ATG3: variants seen among roughly 807,000 people sequenced by gnomAD.
ATG3 encodes ubiquitin-like-conjugating enzyme ATG3.
ATG3 carries 25 observed loss-of-function variants against 50.7 expected under a neutral mutation model. That is an observed-to-expected ratio of 0.49 (90% CI 0.36 to 0.69). The LOEUF is 0.69. ATG3 is among the 30% of genes least tolerant of loss of function. The probability of loss-of-function intolerance (pLI) is 0.00; values close to 1 mark genes in which losing one functional copy is unlikely to be tolerated. For missense variants in ATG3, 281 were observed against 376.0 expected (o/e 0.75, Z 2.09); for synonymous variants, 119 against 125.5 (o/e 0.95, Z 0.34).
At chr3:112,542,493 ATAAGTG>A (rs1933259270) in intron 6 of ATG3, among the ~76,000 whole-genome samples, 1 of 152,066 alleles carries the variant, frequency 6.6e-6, no homozygotes, top group South Asian at 2.1e-4. Flanking sequence ...AGTCAACATA[ATAAGTG>A]GATAAACTGA....
chr3:112,547,743 T>C (rs1933408121), intron 5 of ATG3, among the ~76,000 whole-genome samples: 1 of 152,254 alleles, frequency 6.6e-6, no homozygotes, highest in African/African-American at 2.4e-5. Flanking sequence ...TGATAGATAC[T>C]GAGAATTCAA....
intron 4 of ATG3, 73 bp downstream of exon 4, chr3:112,550,119 A>G: frequency 1.2e-5 from 14 of 1,128,184 alleles, no homozygotes; most frequent in Non-Finnish European, 1.8e-5. Flanking sequence ...TTTTCAAGCA[A>G]TAGAAAAACC....
At position 112,543,341 on chromosome 3, in the gene ATG3, ATCTC is replaced by A. The variant is rs910221654; in HGVS notation, c.393+712_393+715del. 3.2e-4 allele frequency among the ~76,000 whole-genome samples: 49 copies of A among 152,226 alleles called. 1 individual carries two copies. Among genetic ancestry groups the A allele is most frequent in the African/African-American group, 1.1e-3 (46 of 41,578 alleles). ...AAAAACATGAAGACAACTGCGGTTG[ATCTC>A]TCTGAGAAATGAAAAGCTAATCTAA... is the stretch of plus-strand genomic sequence containing the variant. On this transcript the variant is annotated intron_variant, in intron 6 of 11. Transcript: ENST00000283290.
intron 5 of ATG3, among the ~76,000 whole-genome samples, chr3:112,546,381 A>G (rs564486707): frequency 6.6e-6 from 1 of 152,332 alleles, no homozygotes; most frequent in South Asian, 2.1e-4. Context: ...GCATGCATAC[A>G]CTAGACAATG....
chr3:112,535,548 A>G (rs1224340552), intron 10 of ATG3: 2 of 152,198 alleles, frequency 1.3e-5, no homozygotes, highest in South Asian at 2.1e-4. Flanking sequence ...TTTAGATTAC[A>G]TAATTCAAAA....
chr3:112,555,321 T>C (rs1437265148), intron 2 of ATG3, among the ~76,000 whole-genome samples: 1 of 152,216 alleles, frequency 6.6e-6, no homozygotes, highest in Admixed American at 6.5e-5. Context: ...AAGATTCAAA[T>C]TTCTAAATGA....
intron 5 of ATG3, 89 bp downstream of exon 5, chr3:112,548,444 G>T: frequency 8.8e-7 from 1 of 1,140,746 alleles, no homozygotes; most frequent in Non-Finnish European, 1.3e-6. Flanking sequence ...TATGCCTTAT[G>T]TATCCTCTTT....
chr3:112,547,351 A>G (rs1933397566), intron 5 of ATG3, among the ~76,000 whole-genome samples: 1 of 152,150 alleles, frequency 6.6e-6, no homozygotes, highest in Non-Finnish European at 1.5e-5. Flanking sequence ...CATATTTAGT[A>G]TCATGGACTT....
rs1243320665 is a variant in ATG3, at chr3:112,561,827, G to C, written c.-299C>G. Reference sequence around the variant, plus strand: ...GGGGCCGAAGGGAGACCTGAGGTGAGAAGCGGACGCACACGCACCCCTCGC... The same window carrying C: ...GGGGCCGAAGGGAGACCTGAGGTGACAAGCGGACGCACACGCACCCCTCGC... On this transcript the variant is annotated 5_prime_UTR_variant, in exon 1 of 12. Transcript: ENST00000283290. The C allele has an allele frequency of 7.4e-6, 3 of 402,952 alleles. No homozygotes were observed. The highest frequency in any genetic ancestry group is 1.3e-5 in the Non-Finnish European group (3 of 224,076). The allele number at this position is 402,952 out of a possible 1,614,324, so 25.0% of individuals were successfully genotyped here.
Position 112,532,725 on chromosome 3 carries a change from C to A in ATG3, c.919G>T (p.Asp307Tyr). ...TACATTGTGAAGTGTCTTGTGTAGT[C>A]ATATTCTATTGTTGGAATGACAGCT... ...VQAVIPTIEY[D>Y]YTRHFTM Residue 307 changes from aspartate (D) to tyrosine (Y), a missense_variant, in exon 12 of 12, where the codon GAC becomes TAC. By Grantham distance (160) the Asp-to-Tyr change is radical. Around this residue, in one of 3 missense-constraint regions of ATG3, gnomAD observed 242 missense variants for 305.0 expected, o/e 0.79. Coordinates refer to ENST00000283290, the MANE Select transcript of ATG3 (RefSeq NM_022488.5). The A allele has an allele frequency of 6.3e-7, 1 of 1,598,898 alleles. No homozygotes were observed. Among genetic ancestry groups the A allele is most frequent in the South Asian group, 1.1e-5 (1 of 88,896 alleles).
In ATG3 at chr3:112,536,609, G is replaced by A; in HGVS notation, c.667-7C>T. On this transcript the variant is annotated splice_region_variant and splice_polypyrimidine_tract_variant and intron_variant, in intron 9 of 11. Transcript: ENST00000283290. ...CTGTTAAAGGCTGCCGTTGCTGAAAGCATAAAAAATGCTTTGAAATTACTA... is the reference window on the plus strand; with the variant it reads ...CTGTTAAAGGCTGCCGTTGCTGAAAACATAAAAAATGCTTTGAAATTACTA... 1.2e-6 allele frequency: 2 copies of A among 1,612,244 alleles called. No individual in the cohort carries two copies. Among genetic ancestry groups the A allele is most frequent in the East Asian group, 2.2e-5 (1 of 44,864 alleles).
chr3:112,552,405 GA>G (rs921195542), intron 3 of ATG3, among the ~76,000 whole-genome samples: 14 of 151,084 alleles, frequency 9.3e-5, no homozygotes, highest in South Asian at 2.1e-4. Flanking sequence ...AAAAGGTATT[GA>G]AAAAAAATAA....
In ATG3 at chr3:112,561,685, G is replaced by C; in HGVS notation, c.-157C>G. 1 of 721,380 alleles carries C rather than the reference G, an allele frequency of 1.4e-6. No homozygotes were observed. The highest frequency in any genetic ancestry group is 1.9e-5 in the South Asian group (1 of 53,312). The allele number at this position is 721,380 out of a possible 1,614,324, so 44.7% of individuals were successfully genotyped here. On this transcript the variant is annotated 5_prime_UTR_variant, in exon 1 of 12. Transcript: ENST00000283290. ...GGGACGCGACGCGACGGGACGGGCG[G>C]GACGAGGGGGCGGGGCGGCAGGCAC...
chr3:112,535,542 G>C (rs143055907), intron 10 of ATG3: 1 of 152,192 alleles, frequency 6.6e-6, no homozygotes, highest in East Asian at 1.9e-4. Flanking sequence ...AAACTTTTTA[G>C]ATTACATAAT....
chr3:112,536,671 C>A, intron 9 of ATG3, 69 bp from the exon 10 acceptor site: 1 of 1,556,088 alleles, frequency 6.4e-7, no homozygotes. Flanking sequence ...CCTGTAATCC[C>A]AGCACTGTGG....
chr3:112,537,682 AAACCC>A, intron 9 of ATG3, 48 bp downstream of exon 9: 1 of 1,386,204 alleles, frequency 7.2e-7, no homozygotes, highest in South Asian at 1.5e-5. Context: ...GAAGAAATTA[AAACCC>A]AACAATTTAA....
At chr3:112,552,540 T>C (rs1408919420) in intron 3 of ATG3, among the ~76,000 whole-genome samples, 1 of 151,906 alleles carries the variant, frequency 6.6e-6, no homozygotes, top group Non-Finnish European at 1.5e-5. Flanking sequence ...AGAAAACGTT[T>C]ATGTTTTATA....
At chr3:112,548,189 T>C (rs1407690277) in intron 5 of ATG3, among the ~76,000 whole-genome samples, 7 of 152,020 alleles carry the variant, frequency 4.6e-5, no homozygotes, top group Admixed American at 4.6e-4. Context: ...CCATCTCTAC[T>C]AAAAATACAA....
intron 5 of ATG3, among the ~76,000 whole-genome samples, chr3:112,544,948 A>G (rs1933334114): frequency 6.6e-6 from 1 of 152,184 alleles, no homozygotes; most frequent in Non-Finnish European, 1.5e-5. Context: ...GGCTTTTGGA[A>G]CATTTCATTT....
Sources: allele counts gnomAD v4.1 joint callset (sites outside exome capture counted in the v4.1 genomes callset), GRCh38; gene constraint gnomAD v4.1.1; regional missense constraint gnomAD v4.1.1; transcripts MANE v1.5; gene names NCBI Gene and HGNC (gene_info 2026-07-23, HGNC 2026-07-21).